STT3A: variants seen among roughly 807,000 people sequenced by gnomAD.
The protein encoded by STT3A is dolichyl-diphosphooligosaccharide--protein glycosyltransferase subunit STT3A.
A neutral mutation model predicts 89.2 loss-of-function variants in STT3A; 34 were observed. The observed-to-expected ratio is 0.38, with a 90% confidence interval of 0.29 to 0.51. The LOEUF (loss-of-function observed/expected upper bound fraction) is 0.51, where lower values mean the gene tolerates loss of function less well. STT3A is among the 20% of genes least tolerant of loss of function. STT3A has a pLI of 0.89. For missense variants in STT3A, 555 were observed against 889.5 expected, an observed-to-expected ratio of 0.62 and a Z score of 4.78; for synonymous variants, 282 against 310.3, an observed-to-expected ratio of 0.91 and a Z score of 0.96.
chr11:125,594,582 CAAAA>C (rs34558992), intron 1 of STT3A, among the ~76,000 whole-genome samples: 1 of 92,342 alleles, frequency 1.1e-5, no homozygotes. Flanking sequence ...GACTCCGTCT[CAAAA>C]AAAAAAAAAA....
intron 16 of STT3A, among the ~76,000 whole-genome samples, chr11:125,619,174 C>T (rs980963977): frequency 1.3e-5 from 2 of 151,862 alleles, no homozygotes; most frequent in Non-Finnish European, 2.9e-5. Flanking sequence ...CTCAGCCTCC[C>T]GAGTAGCTAG....
At chr11:125,598,953 C>T (rs1035275936) in intron 3 of STT3A, among the ~76,000 whole-genome samples, 1 of 152,108 alleles carries the variant, frequency 6.6e-6, no homozygotes, top group Non-Finnish European at 1.5e-5. Flanking sequence ...TTTCTCAGAC[C>T]CTCTGAATGA....
At chr11:125,606,602 A>G in intron 8 of STT3A, 137 bp downstream of exon 8, 1 of 984,662 alleles carries the variant, frequency 1.0e-6, no homozygotes, top group South Asian at 2.3e-5. Flanking sequence ...TGTTAGTTGA[A>G]GCAACAGAAT....
intron 3 of STT3A, among the ~76,000 whole-genome samples, chr11:125,598,600 C>T (rs1417674003): frequency 1.3e-5 from 2 of 151,938 alleles, no homozygotes; most frequent in African/African-American, 4.8e-5. Context: ...GGAGACATGT[C>T]CTTTTGTTTT....
chr11:125,611,578 C>A, intron 11 of STT3A, 59 bp downstream of exon 11: 1 of 1,481,638 alleles, frequency 6.7e-7, no homozygotes, highest in Non-Finnish European at 9.4e-7. Context: ...GCTTTTTTAT[C>A]TGTCTGGCAG....
At chr11:125,607,862 G>C (rs946152652) in intron 8 of STT3A, among the ~76,000 whole-genome samples, 1 of 152,192 alleles carries the variant, frequency 6.6e-6, no homozygotes, top group Non-Finnish European at 1.5e-5. Context: ...TCTAGGCTAA[G>C]GAAATAACCT....
chr11:125,609,288 C>A, intron 9 of STT3A, 146 bp from the exon 10 acceptor site: 2 of 943,468 alleles, frequency 2.1e-6, no homozygotes, highest in Non-Finnish European at 3.0e-6. Flanking sequence ...AGGAGTGAAA[C>A]TCTCTAAGTA....
rs764115084 is a variant in STT3A, at chr11:125,614,099, A to T, written c.1567A>T (p.Met523Leu). 3 of 1,614,154 alleles carry T rather than the reference A, an allele frequency of 1.9e-6. No individual in the cohort carries two copies. Among genetic ancestry groups the T allele is most frequent in the East Asian group, 2.2e-5 (1 of 44,886 alleles). The part of the protein sequence containing the change: ...RHNTPEDAKV[M>L]SWWDYGYQIT... ...ATTCTACTTTCAGGATGCGAAGGTC[A>T]TGTCCTGGTGGGATTATGGCTATCA... Residue 523 changes from methionine to leucine, a missense_variant, in exon 14 of 18, where the codon ATG becomes TTG. Met to Leu is a conservative substitution (Grantham distance 15). Around this residue, in one of 5 missense-constraint regions of STT3A, gnomAD observed 273 missense variants for 449.8 expected, o/e 0.61. Coordinates refer to ENST00000392708, the MANE Select transcript of STT3A (RefSeq NM_152713.5). This position sits in a 1 kb window ranked among gnomAD's most constrained non-coding sequence, Gnocchi z 4.9.
intron 11 of STT3A, 116 bp downstream of exon 11, chr11:125,611,635 T>C (rs1940019099): frequency 1.1e-6 from 1 of 922,108 alleles, no homozygotes; most frequent in Non-Finnish European, 1.7e-6. Flanking sequence ...CTCTGAGCAT[T>C]TGAGGGAATG....
chr11:125,593,476 G>A (rs916960902), intron 1 of STT3A: 1 of 152,180 alleles, frequency 6.6e-6, no homozygotes, highest in African/African-American at 2.4e-5. Flanking sequence ...TTTGCTTGGC[G>A]GTGTGCGAAA....
chr11:125,612,864 T>C (rs905231474), intron 12 of STT3A, 117 bp downstream of exon 12: 10 of 1,507,166 alleles, frequency 6.6e-6, no homozygotes, highest in Non-Finnish European at 6.3e-6. Context: ...GTGGTCAGAA[T>C]TAACTCATAT....
At chr11:125,611,961 G>A (rs11220157) in intron 11 of STT3A, among the ~76,000 whole-genome samples, 1,429 of 129,760 alleles carry the variant, frequency 0.011, 26 homozygotes, top group African/African-American at 0.037. Context: ...CACCACAACT[G>A]CCGCCTGCTG....
At chr11:125,604,974 C>T (rs1446140134) in intron 6 of STT3A, among the ~76,000 whole-genome samples, 3 of 152,070 alleles carry the variant, frequency 2.0e-5, no homozygotes, top group African/African-American at 4.8e-5. Context: ...TGGTAGTGTG[C>T]GCCTATAGTC....
Position 125,614,536 on chromosome 11 carries a change from T to G in STT3A, c.1774+110T>G, listed in dbSNP as rs1232980966. Reference sequence around the variant, plus strand: ...AATATTTTACTAAGATATTTTTCTTTCATGGGAAGTTCCTAAGTATTTGCA... The same window carrying G: ...AATATTTTACTAAGATATTTTTCTTGCATGGGAAGTTCCTAAGTATTTGCA... On this transcript the variant is annotated intron_variant, in intron 15 of 17. Transcript: ENST00000392708. This position sits in a 1 kb window ranked among gnomAD's most constrained non-coding sequence, Gnocchi z 4.9. 1 of 1,113,466 alleles carries G rather than the reference T, an allele frequency of 9.0e-7. No individual in the cohort carries two copies. The highest frequency in any genetic ancestry group is 2.5e-5 in the East Asian group (1 of 39,994). 69.0% of individuals were successfully genotyped at this position (1,113,466 alleles called of 1,614,324 possible).
intron 9 of STT3A, among the ~76,000 whole-genome samples, chr11:125,608,939 T>C (rs984433293): frequency 6.6e-6 from 1 of 152,176 alleles, no homozygotes; most frequent in African/African-American, 2.4e-5. Context: ...GTCATTATAT[T>C]GCTTACCATA....
At chr11:125,619,110 C>A (rs184259738) in intron 16 of STT3A, among the ~76,000 whole-genome samples, 6 of 151,950 alleles carry the variant, frequency 3.9e-5, no homozygotes, top group Admixed American at 3.9e-4. Flanking sequence ...AGTGCAGTGG[C>A]ACGATCTTGG....
intron 4 of STT3A, 92 bp from the exon 5 acceptor site, chr11:125,602,711 C>T (rs1939722315): frequency 1.3e-6 from 2 of 1,523,120 alleles, no homozygotes; most frequent in Non-Finnish European, 1.8e-6. Flanking sequence ...TCAAGACTTA[C>T]ATAGTCACTT....
upstream of STT3A, chr11:125,592,845 T>A (rs1939353866): frequency 1.1e-5 from 2 of 184,890 alleles, no homozygotes; most frequent in Non-Finnish European, 2.3e-5. Flanking sequence ...CGGACCCGGC[T>A]CCTGCCAGGG....
chr11:125,614,362 G>A lies in STT3A; in HGVS notation c.1710G>A (p.Met570Ile). ...ASTEEKAYEI[M>I]RELDVSYVLV... ...CAGAGGAAAAAGCCTATGAGATCAT[G>A]AGGGAGCTCGATGTCAGCTATGTGC... is the stretch of plus-strand genomic sequence containing the variant. The change falls in exon 15 of 18, where the codon ATG becomes ATA. Residue 570 changes from methionine to isoleucine, a missense_variant. Coordinates refer to ENST00000392708, the MANE Select transcript of STT3A (RefSeq NM_152713.5). This position sits in a 1 kb window ranked among gnomAD's most constrained non-coding sequence, Gnocchi z 4.9. The A allele has an allele frequency of 6.2e-7, 1 of 1,614,184 alleles. No homozygotes were observed. Among genetic ancestry groups the A allele is most frequent in the Non-Finnish European group, 8.5e-7 (1 of 1,180,024 alleles).
Sources: allele counts gnomAD v4.1 joint callset (sites outside exome capture counted in the v4.1 genomes callset), GRCh38; gene constraint gnomAD v4.1.1; regional missense constraint gnomAD v4.1.1; non-coding constraint Gnocchi (gnomAD v3.1); transcripts MANE v1.5; gene names NCBI Gene and HGNC (gene_info 2026-07-23, HGNC 2026-07-21).